MDGA2: variants seen among roughly 807,000 people sequenced by gnomAD.
MDGA2 encodes MAM domain containing glycosylphosphatidylinositol anchor 2.
MDGA2 carries 40 observed loss-of-function variants against 117.8 expected under a neutral mutation model. That is an observed-to-expected ratio of 0.34 (90% CI 0.26 to 0.44). MDGA2 has a LOEUF of 0.44. Ranked by LOEUF, MDGA2 falls within the 20% of genes least tolerant of loss-of-function variation. MDGA2 has a pLI of 1.00. For synonymous variants in MDGA2, 452 were observed against 439.0 expected, an observed-to-expected ratio of 1.03 and a Z score of -0.37; for missense variants, 1,123 against 1,250.6, an observed-to-expected ratio of 0.90 and a Z score of 1.54.
intron 1 of MDGA2, among the ~76,000 whole-genome samples, chr14:47,498,646 T>TAATG (rs1894332760): frequency 6.6e-6 from 1 of 152,060 alleles, no homozygotes; most frequent in Non-Finnish European, 1.5e-5. Context: ...AGGAAAAAAA[T>TAATG]AATGGCATTA....
chr14:47,410,775 A>G (rs1892356499), intron 1 of MDGA2, among the ~76,000 whole-genome samples: 1 of 152,174 alleles, frequency 6.6e-6, no homozygotes, highest in African/African-American at 2.4e-5. Context: ...ATTAAACTTG[A>G]TAAGTATTTT....
At chr14:47,491,218 G>A (rs1048824307) in intron 1 of MDGA2, among the ~76,000 whole-genome samples, 2 of 152,026 alleles carry the variant, frequency 1.3e-5, no homozygotes, top group Non-Finnish European at 2.9e-5. Flanking sequence ...AGCAATGTGT[G>A]AGACCCTCAA....
intron 1 of MDGA2, among the ~76,000 whole-genome samples, chr14:47,570,959 T>C (rs528825048): frequency 5.3e-5 from 8 of 151,988 alleles, no homozygotes; most frequent in Admixed American, 5.2e-4. Context: ...ATCATCAGAG[T>C]GAACAGGCAA....
At chr14:46,967,081 A>C (rs1432774542) in intron 8 of MDGA2, among the ~76,000 whole-genome samples, 2 of 152,172 alleles carry the variant, frequency 1.3e-5, no homozygotes, top group Admixed American at 1.3e-4. Context: ...AATAAATAAT[A>C]GAACCTTCAA....
intron 7 of MDGA2, among the ~76,000 whole-genome samples, chr14:47,041,160 T>C (rs1438995971): frequency 6.6e-6 from 1 of 152,040 alleles, no homozygotes; most frequent in Non-Finnish European, 1.5e-5. Flanking sequence ...ATGCAGATCT[T>C]GAGATGTGTG....
At chr14:46,870,211 TC>T (rs1424069261) in intron 14 of MDGA2, among the ~76,000 whole-genome samples, 1 of 151,996 alleles carries the variant, frequency 6.6e-6, no homozygotes, top group Non-Finnish European at 1.5e-5. Flanking sequence ...AGGGTATTGC[TC>T]ATTTCTGTAT....
intron 9 of MDGA2, among the ~76,000 whole-genome samples, chr14:46,946,138 A>C (rs1297464876): frequency 6.6e-6 from 1 of 152,120 alleles, no homozygotes; most frequent in Non-Finnish European, 1.5e-5. Context: ...CTGAATAAAA[A>C]TTAAGGTATG....
chr14:46,950,107 A>G (rs375168109), intron 9 of MDGA2, among the ~76,000 whole-genome samples: 6 of 152,098 alleles, frequency 3.9e-5, no homozygotes, highest in East Asian at 1.9e-4. Context: ...CTGGAGAAAA[A>G]TAACTGTTTA....
At position 46,914,011 on chromosome 14, in the gene MDGA2, A is replaced by C. The variant is rs539000401; in HGVS notation, c.2238+6001T>G. On this transcript the variant is annotated intron_variant, in intron 10 of 16. Coordinates refer to ENST00000399232, the MANE Select transcript of MDGA2 (RefSeq NM_001113498.3). Reference sequence around the variant, plus strand: ...TTAAAATAAAATATCCTACTTTCCAAAGATACAGTCAAAAAGTCACATCAT... The same window carrying C: ...TTAAAATAAAATATCCTACTTTCCACAGATACAGTCAAAAAGTCACATCAT... Among the ~76,000 whole-genome samples the C allele has an allele frequency of 2.4e-3, 366 of 152,282 alleles. 2 individuals carry two copies. Among genetic ancestry groups the C allele is most frequent in the African/African-American group, 8.4e-3 (348 of 41,570 alleles).
chr14:47,461,696 TA>T (rs1893490613), intron 1 of MDGA2, among the ~76,000 whole-genome samples: 2 of 151,348 alleles, frequency 1.3e-5, no homozygotes, highest in African/African-American at 4.8e-5. Flanking sequence ...ACGAAAAAAA[TA>T]AAAACAAAAA....
intron 1 of MDGA2, among the ~76,000 whole-genome samples, chr14:47,315,479 T>C (rs1327278848): frequency 6.6e-6 from 1 of 152,162 alleles, no homozygotes; most frequent in Admixed American, 6.6e-5. Flanking sequence ...AGGCATCACG[T>C]GGTATAAATC....
chr14:47,392,946 C>T (rs1030277584), intron 1 of MDGA2, among the ~76,000 whole-genome samples: 14 of 151,944 alleles, frequency 9.2e-5, no homozygotes, highest in African/African-American at 3.1e-4. Context: ...GAGCCAAGCA[C>T]ATTCTGGCAG....
At chr14:47,628,106 A>C (rs938143494) in intron 1 of MDGA2, among the ~76,000 whole-genome samples, 1 of 152,162 alleles carries the variant, frequency 6.6e-6, no homozygotes, top group African/African-American at 2.4e-5. Context: ...ACTCTTTACC[A>C]GCTTTAGCAT....
intron 7 of MDGA2, among the ~76,000 whole-genome samples, chr14:47,037,723 G>C (rs1486092951): frequency 6.6e-6 from 1 of 151,982 alleles, no homozygotes; most frequent in Non-Finnish European, 1.5e-5. Flanking sequence ...ATCTGAATAT[G>C]TTTCACATGT....
chr14:47,096,751 G>T, intron 6 of MDGA2, 103 bp downstream of exon 6: 1 of 1,123,986 alleles, frequency 8.9e-7, no homozygotes, highest in Non-Finnish European at 1.3e-6. Flanking sequence ...GTATTTTACA[G>T]ATACATGCAA....
chr14:47,106,326 A>G (rs1368110012), intron 5 of MDGA2, among the ~76,000 whole-genome samples: 2 of 152,006 alleles, frequency 1.3e-5, no homozygotes, highest in Non-Finnish European at 2.9e-5. Flanking sequence ...ATAATAGAAA[A>G]AAGTTGCAAT....
rs756528353 is a variant in MDGA2 at position 46,929,601 on chromosome 14, GTATATATATATATATATATATA to G, written c.2090-9463_2090-9442del. On this transcript the variant is annotated intron_variant, in intron 9 of 16. Coordinates refer to ENST00000399232, the MANE Select transcript of MDGA2 (RefSeq NM_001113498.3). Reference sequence around the variant, plus strand: ...TATACGTGTGTGTGTGTGTGTGTGTGTATATATATATATATATATATATATATATATATATATATATATATAC... The same window carrying G: ...TATACGTGTGTGTGTGTGTGTGTGTGTATATATATATATATATATATATAC... 7.2e-3 allele frequency among the ~76,000 whole-genome samples: 91 copies of G among 12,682 alleles called. 6 individuals are homozygous for G. The highest frequency in any genetic ancestry group is 0.012 in the Non-Finnish European group (71 of 5,974). The allele number at this position is 12,682 out of a possible 152,430, so 8.3% of individuals were successfully genotyped here. A position where few individuals can be genotyped will look rare whatever the true frequency, so the allele number is the denominator to read the frequency against.
At chr14:47,148,723 G>T (rs1044143001) in intron 3 of MDGA2, among the ~76,000 whole-genome samples, 3 of 152,110 alleles carry the variant, frequency 2.0e-5, no homozygotes, top group Non-Finnish European at 4.4e-5. Flanking sequence ...ATGGTGTTTC[G>T]GGGTTCTTTC....
intron 1 of MDGA2, among the ~76,000 whole-genome samples, chr14:47,358,505 T>A (rs1341963247): frequency 6.6e-6 from 1 of 152,104 alleles, no homozygotes. Flanking sequence ...GGTATTCAAA[T>A]CGGAAAATAA....
Sources: allele counts gnomAD v4.1 joint callset (sites outside exome capture counted in the v4.1 genomes callset), GRCh38; gene constraint gnomAD v4.1.1; transcripts MANE v1.5; gene names NCBI Gene and HGNC (gene_info 2026-07-23, HGNC 2026-07-21).